FANCA: variants seen among roughly 807,000 people sequenced by gnomAD.
The protein encoded by FANCA is Fanconi anemia group A protein.
In FANCA, 236 loss-of-function variants were observed where a neutral mutation model predicts 194.3. The ratio of observed to expected loss-of-function variants is 1.21; its 90% CI spans 1.09 to 1.35. The LOEUF is 1.35. Ranked by LOEUF, FANCA falls within the 40% of genes most tolerant of loss-of-function variation. The pLI is 0.00. For synonymous variants in FANCA, 1,014 were observed against 715.8 expected (o/e 1.42, Z -6.65); for missense variants, 2,628 against 1,813.9 (o/e 1.45, Z -8.15).
At chr16:89,810,619 G>C in intron 5 of FANCA, 88 bp downstream of exon 5, 1 of 883,854 alleles carries the variant, frequency 1.1e-6, no homozygotes, top group Non-Finnish European at 1.9e-6. Context: ...GAATTCCCAA[G>C]AAAACCCAGG....
chr16:89,742,802 C>CCT lies in FANCA; in HGVS notation c.3761_3762dup (p.Glu1255ArgfsTer12), dbSNP rs868273545. ...AGTAAAAGAATTTCCTATCTTGCCT[C>CCT]CTCTCTCTCGCAGTCCAGCTTCTTT... On this transcript the variant is annotated frameshift_variant, in exon 37 of 43. Transcript: ENST00000389301. LOFTEE classifies it high-confidence loss of function. 14 of 1,613,956 alleles carry CCT rather than the reference C, an allele frequency of 8.7e-6. No individual in the cohort carries two copies. Among genetic ancestry groups the CCT allele is most frequent in the African/African-American group, 1.3e-5 (1 of 74,904 alleles).
intron 11 of FANCA, among the ~76,000 whole-genome samples, chr16:89,794,143 T>C (rs1244057442): frequency 6.6e-6 from 1 of 152,266 alleles, no homozygotes; most frequent in Non-Finnish European, 1.5e-5. Context: ...TTGTTGCCTA[T>C]TTGCTATATC....
chr16:89,752,253 A>C (rs763645796), intron 30 of FANCA, 31 bp from the exon 31 acceptor site: 1 of 1,575,712 alleles, frequency 6.3e-7, no homozygotes, highest in South Asian at 1.1e-5. Flanking sequence ...AATCCTCCTC[A>C]GTATCGCCTA....
chr16:89,814,564 C>A lies in FANCA; in HGVS notation c.239G>T (p.Cys80Phe). Residue 80 changes from cysteine (C) to phenylalanine (F), a missense_variant, in exon 3 of 43, where the codon TGT becomes TTT. By Grantham distance (205) the Cys-to-Phe change is radical. Transcript: ENST00000389301. ...KKLSLSKVID[C>F]DSSEAYANHS... Reference sequence around the variant, plus strand: ...ATTAGCATAGGCCTCAGAACTGTCACAGTCAATCACTTTGCTGAGAGACAA... The same window carrying A: ...ATTAGCATAGGCCTCAGAACTGTCAAAGTCAATCACTTTGCTGAGAGACAA... The A allele has an allele frequency of 6.2e-7, 1 of 1,613,954 alleles. No homozygotes were observed. The highest frequency in any genetic ancestry group is 1.1e-5 in the South Asian group (1 of 91,074).
Position 89,799,618 on chromosome 16 carries a change from C to A in FANCA, c.813G>T (p.Gln271His), listed in dbSNP as rs773057753. Residue 271 changes from glutamine (Q) to histidine (H), a missense_variant, in exon 9 of 43, where the codon CAG (glutamine) becomes CAT (histidine). Physicochemically the swap from Gln to His is conservative, Grantham distance 24. Coordinates refer to ENST00000389301, the MANE Select transcript of FANCA (RefSeq NM_000135.4). The part of the protein sequence containing the change: ...KMPQVTVDVL[Q>H]RMLIFALDAL... Reference sequence around the variant, plus strand: ...CAATTAACTTACAAATCAGCATTCTCTGCAGTACATCAACCGTGACCTGTC... The same window carrying A: ...CAATTAACTTACAAATCAGCATTCTATGCAGTACATCAACCGTGACCTGTC... 6.2e-7 allele frequency: 1 copy of A among 1,613,784 alleles called. No homozygotes were observed. Among genetic ancestry groups the A allele is most frequent in the Non-Finnish European group, 8.5e-7 (1 of 1,179,652 alleles).
At chr16:89,749,590 G>A in intron 32 of FANCA, 140 bp downstream of exon 32, 2 of 1,101,922 alleles carry the variant, frequency 1.8e-6, no homozygotes, top group Non-Finnish European at 2.7e-6. Context: ...ATGTGCCACA[G>A]AAATGGACAG....
chr16:89,806,248 T>A (rs1472827664), intron 6 of FANCA, among the ~76,000 whole-genome samples: 1 of 152,138 alleles, frequency 6.6e-6, no homozygotes, highest in African/African-American at 2.4e-5. Context: ...TGGGGACTGT[T>A]CCATTTGGAC....
chr16:89,778,464 TA>T (rs56664732), intron 20 of FANCA: 69,999 of 201,822 alleles, frequency 0.35, 8,742 homozygotes, highest in East Asian at 0.55. Context: ...AGACTCCATC[TA>T]AAAAAAAAAA....
At chr16:89,808,799 C>A (rs17232225) in intron 5 of FANCA, among the ~76,000 whole-genome samples, 121 of 152,300 alleles carry the variant, frequency 7.9e-4, no homozygotes, top group African/African-American at 2.8e-3. Context: ...TCAACCCTCT[C>A]CCATTTGATA....
chr16:89,801,352 A>C (rs1375108180), intron 8 of FANCA, among the ~76,000 whole-genome samples: 8 of 151,800 alleles, frequency 5.3e-5, no homozygotes, highest in Non-Finnish European at 1.0e-4. Context: ...TCAAAAAAAA[A>C]AAAAAAAAAG....
intron 24 of FANCA, 147 bp downstream of exon 24, chr16:89,770,417 C>G: frequency 9.8e-7 from 1 of 1,023,176 alleles, no homozygotes; most frequent in Non-Finnish European, 1.5e-6. Flanking sequence ...TGCTTCCCAA[C>G]TTCTGCTGCG....
At chr16:89,747,267 C>G (rs182306525) in intron 33 of FANCA, among the ~76,000 whole-genome samples, 23 of 152,338 alleles carry the variant, frequency 1.5e-4, no homozygotes, top group Middle Eastern at 3.4e-3. Context: ...CAAGTGCTGT[C>G]TATGGTGTTT....
At position 89,803,481 on chromosome 16, in the gene FANCA, T is replaced by TGA. The variant is rs17232344; in HGVS notation, c.710-142_710-141dup. On this transcript the variant is annotated intron_variant, in intron 7 of 42. Coordinates refer to ENST00000389301, the MANE Select transcript of FANCA (RefSeq NM_000135.4). ...GGACCCCTGTGAGCTGCTCCTAACC[T>TGA]GAGGAACGCTGCAGAAGTTACTGCT... is the stretch of plus-strand genomic sequence containing the variant. The TGA allele has an allele frequency of 0.033, 25,037 of 752,136 alleles. 1,681 individuals are homozygous for TGA. Among genetic ancestry groups the TGA allele is most frequent in the African/African-American group, 0.21 (11,971 of 57,986 alleles). 46.6% of individuals were successfully genotyped at this position (752,136 alleles called of 1,614,324 possible).
At chr16:89,778,464 T>TAA (rs56664732) in intron 20 of FANCA, 2,842 of 201,588 alleles carry the variant, frequency 0.014, no homozygotes, top group South Asian at 0.019. Flanking sequence ...AGACTCCATC[T>TAA]AAAAAAAAAA....
At chr16:89,801,298 C>T (rs1185705403) in intron 8 of FANCA, among the ~76,000 whole-genome samples, 10 of 140,748 alleles carry the variant, frequency 7.1e-5, no homozygotes, top group Non-Finnish European at 1.2e-4. Context: ...GAGCCGAGAT[C>T]GCGCCACTGC....
intron 22 of FANCA, among the ~76,000 whole-genome samples, 185 bp from the exon 23 acceptor site, chr16:89,771,999 G>C (rs868631899): frequency 3.9e-5 from 6 of 152,348 alleles, no homozygotes; most frequent in Middle Eastern, 6.8e-3. Flanking sequence ...TTGTGGTGCA[G>C]CATGTGTCAT....
chr16:89,743,362 C>G (rs1321367304), intron 36 of FANCA, among the ~76,000 whole-genome samples: 1 of 152,184 alleles, frequency 6.6e-6, no homozygotes, highest in Non-Finnish European at 1.5e-5. Context: ...AGTTTTCTGG[C>G]TGGTTAAAAA....
chr16:89,755,101 G>C (rs112130233), intron 30 of FANCA, among the ~76,000 whole-genome samples: 4,351 of 152,260 alleles, frequency 0.029, 223 homozygotes, highest in African/African-American at 0.099. Flanking sequence ...TCTAACTTTT[G>C]ACAAGGGTGC....
At chr16:89,787,238 G>A (rs1486883046) in intron 14 of FANCA, among the ~76,000 whole-genome samples, 1 of 152,150 alleles carries the variant, frequency 6.6e-6, no homozygotes, top group Non-Finnish European at 1.5e-5. Flanking sequence ...AGACCAGCCA[G>A]GACGGCCGGG....
Sources: gnomAD v4.1 joint callset for allele counts (sites outside exome capture counted in the v4.1 genomes callset) on GRCh38, gnomAD v4.1.1 for gene constraint, MANE v1.5 for transcripts, NCBI Gene and HGNC (gene_info 2026-07-23, HGNC 2026-07-21) for gene names.